AHCYL2: variants seen among roughly 807,000 people sequenced by gnomAD.
The protein encoded by AHCYL2 is S-adenosylhomocysteine hydrolase-like protein 2.
AHCYL2 carries 28 observed loss-of-function variants against 81.4 expected under a neutral mutation model. That is an observed-to-expected ratio of 0.34 (90% CI 0.25 to 0.47). The LOEUF is 0.47. AHCYL2 is among the 20% of genes least tolerant of loss of function. The probability of loss-of-function intolerance (pLI) is 1.00; values close to 1 mark genes in which losing one functional copy is unlikely to be tolerated. For missense variants in AHCYL2, 551 were observed against 785.1 expected, an observed-to-expected ratio of 0.70 and a Z score of 3.56; for synonymous variants, 272 against 290.2, an observed-to-expected ratio of 0.94 and a Z score of 0.64.
At chr7:129,331,749 G>A (rs1798432803) in intron 1 of AHCYL2, among the ~76,000 whole-genome samples, 1 of 152,036 alleles carries the variant, frequency 6.6e-6, no homozygotes, top group African/African-American at 2.4e-5. Context: ...GGCTGAGGCA[G>A]GAGAACCTCT....
At chr7:129,288,508 C>T (rs1032318553) in intron 1 of AHCYL2, among the ~76,000 whole-genome samples, 2 of 151,924 alleles carry the variant, frequency 1.3e-5, no homozygotes, top group South Asian at 2.1e-4. Context: ...TACAGAGGCC[C>T]GCCACCACGC....
intron 12 of AHCYL2, among the ~76,000 whole-genome samples, chr7:129,421,251 CAA>C (rs11411466): frequency 5.8e-5 from 8 of 137,040 alleles, no homozygotes; most frequent in African/African-American, 5.4e-5. Flanking sequence ...GACTCCATCT[CAA>C]AAAAAAAAAA....
At chr7:129,317,681 G>A (rs941819993) in intron 1 of AHCYL2, among the ~76,000 whole-genome samples, 2 of 152,182 alleles carry the variant, frequency 1.3e-5, no homozygotes, top group African/African-American at 4.8e-5. Context: ...TGTTCATGGG[G>A]TTGGTGGCTA....
intron 1 of AHCYL2, among the ~76,000 whole-genome samples, chr7:129,325,184 T>C (rs1798176403): frequency 6.6e-6 from 1 of 152,206 alleles, no homozygotes; most frequent in Admixed American, 6.5e-5. Context: ...AGGGACTTCC[T>C]TTAATGTTTC....
At chr7:129,384,655 C>A (rs1200628233) in intron 2 of AHCYL2, among the ~76,000 whole-genome samples, 3 of 152,194 alleles carry the variant, frequency 2.0e-5, no homozygotes, top group Middle Eastern at 3.2e-3. Flanking sequence ...GTCTCCCTTC[C>A]TAAGGCTCCT....
chr7:129,348,435 A>G (rs1439726696), intron 1 of AHCYL2, among the ~76,000 whole-genome samples: 1 of 150,214 alleles, frequency 6.7e-6, no homozygotes, highest in Non-Finnish European at 1.5e-5. Context: ...TATGAAAAGA[A>G]TGTCTCTACA....
chr7:129,258,127 C>T (rs1795486564), intron 1 of AHCYL2, among the ~76,000 whole-genome samples: 2 of 152,046 alleles, frequency 1.3e-5, no homozygotes, highest in African/African-American at 4.8e-5. Context: ...TCCCATTCTC[C>T]CATTGTGGTT....
intron 7 of AHCYL2, among the ~76,000 whole-genome samples, chr7:129,404,450 T>G (rs1796200767): frequency 6.6e-6 from 1 of 152,072 alleles, no homozygotes; most frequent in Admixed American, 6.6e-5. Flanking sequence ...TTTTTGAATG[T>G]ACAAAACTGA....
chr7:129,403,898 C>CT (rs1487034371), intron 7 of AHCYL2, among the ~76,000 whole-genome samples: 1,813 of 128,560 alleles, frequency 0.014, 27 homozygotes, highest in Admixed American at 0.029. Context: ...AAAATTGGAG[C>CT]CTGCTATGAG....
At position 129,225,430 on chromosome 7, in the gene AHCYL2, A is replaced by C; in HGVS notation, c.354A>C (p.Thr118=). ...PDGTVTEAPR[T]VKKQIQFADQ... ...GCACCGTCACCGAGGCGCCGCGCAC[A>C]GTCAAGAAGGTACTGGGGCCGGGCT... The change falls in exon 1 of 17, where the codon ACA becomes ACC. Residue 118 remains threonine (T), a synonymous_variant. Coordinates refer to ENST00000325006, the MANE Select transcript of AHCYL2 (RefSeq NM_015328.4). 1.3e-6 allele frequency: 2 copies of C among 1,513,406 alleles called. No homozygotes were observed. The highest frequency in any genetic ancestry group is 1.2e-5 in the South Asian group (1 of 83,002). 93.7% of individuals were successfully genotyped at this position (1,513,406 alleles called of 1,614,324 possible). A position where few individuals can be genotyped will look rare whatever the true frequency, so the allele number is the denominator to read the frequency against.
rs182408379 is a variant in AHCYL2, at chr7:129,243,686, A to G, written c.363+18247A>G. Among the ~76,000 whole-genome samples, 14 of 152,072 alleles carry G rather than the reference A, an allele frequency of 9.2e-5. No homozygotes were observed. In the East Asian group the frequency reaches 2.7e-3, roughly 30 times the overall value. ...AAGCTCCACCTCCTGGGTTCACGCC[A>G]TTCTCCTGCCTCAGCCTCCCGAGTA... On this transcript the variant is annotated intron_variant, in intron 1 of 16. Coordinates refer to ENST00000325006, the MANE Select transcript of AHCYL2 (RefSeq NM_015328.4).
chr7:129,252,012 G>A (rs1176949589), intron 1 of AHCYL2, among the ~76,000 whole-genome samples: 4 of 152,016 alleles, frequency 2.6e-5, no homozygotes, highest in African/African-American at 9.7e-5. Context: ...GCTTTTAGTG[G>A]ATCTTGCACA....
chr7:129,307,224 A>T (rs1797474513), intron 1 of AHCYL2, among the ~76,000 whole-genome samples: 1 of 152,164 alleles, frequency 6.6e-6, no homozygotes, highest in Non-Finnish European at 1.5e-5. Flanking sequence ...AAGTCCAGAG[A>T]TGCTGTTCAG....
chr7:129,379,822 C>T (rs1794869354), intron 2 of AHCYL2, 73 bp downstream of exon 2: 1 of 1,192,370 alleles, frequency 8.4e-7, no homozygotes, highest in South Asian at 1.4e-5. Flanking sequence ...TCCTGTCTAT[C>T]CAAGGCTAAT....
chr7:129,371,060 G>C (rs890591013), intron 1 of AHCYL2, among the ~76,000 whole-genome samples: 1 of 152,180 alleles, frequency 6.6e-6, no homozygotes, highest in African/African-American at 2.4e-5. Flanking sequence ...TGGATTTCCA[G>C]ACCTTACTTG....
chr7:129,327,911 A>G (rs1334647463), intron 1 of AHCYL2, among the ~76,000 whole-genome samples: 1 of 152,062 alleles, frequency 6.6e-6, no homozygotes, highest in Non-Finnish European at 1.5e-5. Flanking sequence ...CTCCTGACTC[A>G]GCCTCCCCAG....
At chr7:129,371,857 GAGTT>G (rs1794425389) in intron 1 of AHCYL2, among the ~76,000 whole-genome samples, 1 of 152,206 alleles carries the variant, frequency 6.6e-6, no homozygotes, top group Admixed American at 6.5e-5. Flanking sequence ...CATAGGTAAA[GAGTT>G]AGTTCAAGCC....
At position 129,354,433 on chromosome 7, in the gene AHCYL2, A is replaced by G. The variant is rs977191456; in HGVS notation, c.364-25205A>G. Among the ~76,000 whole-genome samples the G allele has an allele frequency of 2.0e-5, 3 of 152,234 alleles. No homozygotes were observed. The South Asian group carries it at 6.2e-4, about 32-fold the overall frequency. On this transcript the variant is annotated intron_variant, in intron 1 of 16. Coordinates refer to ENST00000325006, the MANE Select transcript of AHCYL2 (RefSeq NM_015328.4). ...GACATTTGAGAAAGTATAGAACATT[A>G]TGACAGCTGGTATGGAGACAAGAAG...
chr7:129,269,012 G>A (rs1297655432), intron 1 of AHCYL2, among the ~76,000 whole-genome samples: 4 of 151,920 alleles, frequency 2.6e-5, no homozygotes, highest in Admixed American at 2.0e-4. Context: ...GTCTCTGGAC[G>A]TTTCATATAA....
Sources: gnomAD v4.1 joint callset for allele counts (sites outside exome capture counted in the v4.1 genomes callset) on GRCh38, gnomAD v4.1.1 for gene constraint, MANE v1.5 for transcripts, NCBI Gene and HGNC (gene_info 2026-07-23, HGNC 2026-07-21) for gene names.